SGCG: variants seen among roughly 807,000 people sequenced by gnomAD.
The protein encoded by SGCG is gamma-sarcoglycan.
In SGCG, 26 loss-of-function variants were observed where a neutral mutation model predicts 29.3. The observed-to-expected ratio is 0.89, with a 90% CI of 0.65 to 1.23. The LOEUF (loss-of-function observed/expected upper bound fraction) is 1.23, where lower values mean the gene tolerates loss of function less well. Ranked by LOEUF, SGCG falls within the 50% of genes most tolerant of loss-of-function variation. The probability of loss-of-function intolerance (pLI) is 0.00; values close to 1 mark genes in which losing one functional copy is unlikely to be tolerated. For synonymous variants in SGCG, 145 were observed against 129.7 expected (o/e 1.12, Z -0.80); for missense variants, 353 against 356.0 (o/e 0.99, Z 0.07).
chr13:23,296,154 G>A (rs938070235), intron 6 of SGCG, among the ~76,000 whole-genome samples: 1 of 152,180 alleles, frequency 6.6e-6, no homozygotes, highest in African/African-American at 2.4e-5. Context: ...TTAACACAAA[G>A]CATGTGCATA....
intron 5 of SGCG, among the ~76,000 whole-genome samples, chr13:23,291,592 A>G (rs1160406808): frequency 1.3e-5 from 2 of 152,202 alleles, no homozygotes; most frequent in Non-Finnish European, 2.9e-5. Flanking sequence ...TATCATTTCA[A>G]TGTAGAGAAA....
chr13:23,211,425 G>A lies in SGCG; in HGVS notation c.195+7536G>A, dbSNP rs1254495900. ...TGTTGATTTTTCAGTCTGCCAGAGT[G>A]AGGATATAAGTCAGAAACCGGGGAG... On this transcript the variant is annotated intron_variant, in intron 2 of 7. Transcript: ENST00000218867. Among the ~76,000 whole-genome samples the A allele has an allele frequency of 2.6e-5, 4 of 152,138 alleles. No homozygotes were observed. In the East Asian group the frequency reaches 7.7e-4, roughly 29 times the overall value.
intron 1 of SGCG, among the ~76,000 whole-genome samples, chr13:23,197,516 C>G (rs906881450): frequency 3.3e-5 from 5 of 152,138 alleles, no homozygotes. Flanking sequence ...CGGAAAGGAC[C>G]TTACCCAAGG....
At chr13:23,193,172 A>G (rs1212427958) in intron 1 of SGCG, among the ~76,000 whole-genome samples, 2 of 152,188 alleles carry the variant, frequency 1.3e-5, no homozygotes, top group African/African-American at 2.4e-5. Flanking sequence ...TCCAAAGACT[A>G]TAAGATAGGA....
intron 1 of SGCG, among the ~76,000 whole-genome samples, chr13:23,185,314 C>A (rs1261715612): frequency 6.6e-6 from 1 of 152,190 alleles, no homozygotes; most frequent in Non-Finnish European, 1.5e-5. Flanking sequence ...GCCTCAGTCT[C>A]CAGAGTAGCT....
At chr13:23,262,650 C>T (rs886845648) in intron 4 of SGCG, among the ~76,000 whole-genome samples, 1 of 151,860 alleles carries the variant, frequency 6.6e-6, no homozygotes, top group African/African-American at 2.4e-5. Context: ...TACTCTAGAA[C>T]AAATACACAA....
Position 23,297,885 on chromosome 13 carries a change from C to T in SGCG, c.578+2398C>T, listed in dbSNP as rs189369983. ...TCAGCCTCCTGAGTAGCTGGGATTA[C>T]AGGTGCCCACGACCACACCTGGCTA... On this transcript the variant is annotated intron_variant, in intron 6 of 7. Coordinates refer to ENST00000218867, the MANE Select transcript of SGCG (RefSeq NM_000231.3). Among the ~76,000 whole-genome samples the T allele has an allele frequency of 8.5e-3, 1,288 of 151,550 alleles. 14 individuals carry two copies. Among genetic ancestry groups the T allele is most frequent in the Admixed American group, 0.014 (207 of 15,222 alleles).
intron 1 of SGCG, among the ~76,000 whole-genome samples, chr13:23,181,894 C>A (rs1217767340): frequency 6.6e-6 from 1 of 152,166 alleles, no homozygotes; most frequent in Non-Finnish European, 1.5e-5. Flanking sequence ...CGGAATACAC[C>A]GTTTGTTTTT....
intron 6 of SGCG, among the ~76,000 whole-genome samples, chr13:23,296,075 A>G (rs947466708): frequency 3.3e-5 from 5 of 152,234 alleles, no homozygotes; most frequent in Admixed American, 6.5e-5. Flanking sequence ...TATGATTCAT[A>G]TATTTTACAA....
intron 1 of SGCG, among the ~76,000 whole-genome samples, chr13:23,182,963 T>C (rs1332197293): frequency 1.3e-5 from 2 of 152,340 alleles, no homozygotes; most frequent in East Asian, 3.9e-4. Context: ...CCTTAAAACC[T>C]AGCTTCACCT....
chr13:23,222,879 T>A (rs1878725871), intron 2 of SGCG, among the ~76,000 whole-genome samples: 1 of 152,092 alleles, frequency 6.6e-6, no homozygotes, highest in African/African-American at 2.4e-5. Flanking sequence ...TCCATGGGCA[T>A]TTTTTATATT....
intron 1 of SGCG, among the ~76,000 whole-genome samples, chr13:23,199,829 A>T (rs1338240304): frequency 1.3e-5 from 2 of 152,206 alleles, no homozygotes; most frequent in African/African-American, 4.8e-5. Flanking sequence ...GTGTGTGGTC[A>T]GTATTTTCTT....
Position 23,269,820 on chromosome 13 carries a change from C to CAATT in SGCG, c.386-9538_386-9535dup, listed in dbSNP as rs542168624. 8.1e-4 allele frequency among the ~76,000 whole-genome samples: 121 copies of CAATT among 148,696 alleles called. 2 individuals carry two copies. Among genetic ancestry groups the CAATT allele is most frequent in the African/African-American group, 2.8e-3 (114 of 40,820 alleles). ...TGTGCAGTTATGTCACAAAGAGTAA[C>CAATT]AATTGCATATGTATTTTGTTTTTTT... On this transcript the variant is annotated intron_variant, in intron 4 of 7. Transcript: ENST00000218867.
chr13:23,223,276 CAAA>C (rs10569811), intron 2 of SGCG, among the ~76,000 whole-genome samples: 62 of 103,796 alleles, frequency 6.0e-4, no homozygotes, highest in East Asian at 1.1e-3. Flanking sequence ...GACTCTGTCA[CAAA>C]AAAAAAAAAA....
intron 5 of SGCG, among the ~76,000 whole-genome samples, chr13:23,292,242 TG>T (rs1418237529): frequency 6.6e-6 from 1 of 152,098 alleles, no homozygotes; most frequent in Non-Finnish European, 1.5e-5. Flanking sequence ...CCAGAATAGC[TG>T]GGATTACAGG....
upstream of SGCG, among the ~76,000 whole-genome samples, chr13:23,176,040 A>G (rs1306340869): frequency 2.0e-5 from 3 of 152,212 alleles, no homozygotes; most frequent in East Asian, 5.8e-4. Flanking sequence ...CAAATAATTG[A>G]CATAGTATTT....
chr13:23,228,843 A>G (rs1405802210), intron 2 of SGCG, among the ~76,000 whole-genome samples: 1 of 151,910 alleles, frequency 6.6e-6, no homozygotes, highest in Non-Finnish European at 1.5e-5. Flanking sequence ...GTGTATATGT[A>G]CCACATTTTC....
chr13:23,256,386 T>G (rs569461051), intron 4 of SGCG, among the ~76,000 whole-genome samples: 234 of 152,242 alleles, frequency 1.5e-3, no homozygotes, highest in African/African-American at 5.4e-3. Flanking sequence ...ATGAAAAACT[T>G]TTTTTTATAT....
intron 6 of SGCG, among the ~76,000 whole-genome samples, chr13:23,305,324 C>G (rs1006376009): frequency 1.3e-5 from 2 of 152,102 alleles, no homozygotes; most frequent in Admixed American, 1.3e-4. Context: ...CATCATTATT[C>G]CCTGTTACTG....
Sources: allele counts gnomAD v4.1 joint callset (sites outside exome capture counted in the v4.1 genomes callset), GRCh38; gene constraint gnomAD v4.1.1; transcripts MANE v1.5; gene names NCBI Gene and HGNC (gene_info 2026-07-23, HGNC 2026-07-21).